RAPGEF2: variants seen among roughly 807,000 people sequenced by gnomAD.
The protein encoded by RAPGEF2 is PDZ domain containing guanine nucleotide exchange factor (GEF) 1.
Under a neutral mutation model 186.7 loss-of-function variants are expected in RAPGEF2, and 54 were observed. The observed-to-expected ratio is 0.29, with a 90% CI of 0.23 to 0.36. The LOEUF is 0.36. RAPGEF2 is among the 10% of genes least tolerant of loss of function. RAPGEF2 has a pLI of 1.00. For synonymous variants in RAPGEF2, 712 were observed against 705.9 expected (o/e 1.01, Z -0.14); for missense variants, 1,532 against 2,045.0 (o/e 0.75, Z 4.84).
At chr4:159,190,638 A>G (rs1440054180) in intron 2 of RAPGEF2, among the ~76,000 whole-genome samples, 2 of 152,206 alleles carry the variant, frequency 1.3e-5, no homozygotes, top group Admixed American at 6.5e-5. Flanking sequence ...GAGGCCTCAG[A>G]AAACTTACAA....
chr4:159,290,474 CT>C (rs2110952615), intron 7 of RAPGEF2, among the ~76,000 whole-genome samples: 1 of 152,298 alleles, frequency 6.6e-6, no homozygotes, highest in East Asian at 1.9e-4. Context: ...CACATACACA[CT>C]TAACAGAAAC....
At chr4:159,242,440 T>G (rs530027850) in intron 6 of RAPGEF2, among the ~76,000 whole-genome samples, 24 of 151,966 alleles carry the variant, frequency 1.6e-4, no homozygotes, top group African/African-American at 4.8e-4. Context: ...CAATTTTTAG[T>G]AAGTTTAAGT....
intron 1 of RAPGEF2, among the ~76,000 whole-genome samples, chr4:159,113,740 C>T (rs1316210006): frequency 1.2e-5 from 1 of 86,638 alleles, no homozygotes; most frequent in African/African-American, 4.4e-5. Context: ...GACTCTGTCT[C>T]AAAAAAAAAA....
chr4:159,261,658 G>C (rs943313188), intron 7 of RAPGEF2, among the ~76,000 whole-genome samples: 4 of 152,116 alleles, frequency 2.6e-5, no homozygotes, highest in African/African-American at 9.7e-5. Context: ...GCTGTTGTTT[G>C]CATAGGTCCT....
intron 20 of RAPGEF2, among the ~76,000 whole-genome samples, chr4:159,342,339 A>G (rs960385128): frequency 6.6e-6 from 1 of 151,958 alleles, no homozygotes; most frequent in Non-Finnish European, 1.5e-5. Context: ...ATGTGTGTGG[A>G]GTTCCATCAA....
chr4:159,331,606 A>C (rs369707093), intron 14 of RAPGEF2, 24 bp from the exon 15 acceptor site: 1 of 1,613,208 alleles, frequency 6.2e-7, no homozygotes, highest in Non-Finnish European at 8.5e-7. Context: ...TTGAGTTGAC[A>C]CTACTGTTTC....
chr4:159,336,969 C>T (rs1463050417), intron 17 of RAPGEF2, among the ~76,000 whole-genome samples: 2 of 152,124 alleles, frequency 1.3e-5, no homozygotes, highest in East Asian at 3.8e-4. Flanking sequence ...CCAGTTATTT[C>T]TGTGTGTGTT....
intron 1 of RAPGEF2, among the ~76,000 whole-genome samples, chr4:159,108,585 C>T (rs1257019440): frequency 2.0e-5 from 3 of 152,022 alleles, no homozygotes; most frequent in African/African-American, 7.2e-5. Flanking sequence ...AGAAAATTCA[C>T]TGCATTTTTT....
rs761129564 is a variant in RAPGEF2, at chr4:159,353,554, A to T, written c.4159A>T (p.Thr1387Ser). The change falls in exon 28 of 30, where the codon ACA becomes TCA. Residue 1387 changes from threonine (T) to serine (S), a missense_variant. By Grantham distance (58) the Thr-to-Ser change is moderately conservative. Coordinates refer to ENST00000691494, the MANE Select transcript of RAPGEF2 (RefSeq NM_001394067.2). The surrounding 1 kb of genome is among the most constrained non-coding windows in gnomAD (Gnocchi z 4.3). ...AGCTACAGTAATTTCTTCTCCAAGC[A>T]CAGAGGAACTTTCCCAGGATCAGGG... ...ATATVISSPSTEELSQDQGDR... is the reference protein window; with the variant it reads ...ATATVISSPSSEELSQDQGDR... 3.2e-6 allele frequency: 5 copies of T among 1,560,554 alleles called. No individual in the cohort carries two copies. The South Asian group carries it at 6.2e-5, about 19-fold the overall frequency.
chr4:159,342,843 A>G, intron 20 of RAPGEF2, 136 bp from the exon 21 acceptor site: 5 of 838,394 alleles, frequency 6.0e-6, no homozygotes, highest in East Asian at 2.6e-5. Context: ...CAGAATTATC[A>G]TGAACAGTTT....
intron 7 of RAPGEF2, among the ~76,000 whole-genome samples, chr4:159,296,615 G>A (rs1291368038): frequency 6.6e-6 from 1 of 152,082 alleles, no homozygotes; most frequent in African/African-American, 2.4e-5. Context: ...ACATAAAATA[G>A]TCCTACTAAT....
At chr4:159,139,961 G>A (rs527329077) in intron 1 of RAPGEF2, among the ~76,000 whole-genome samples, 2 of 152,294 alleles carry the variant, frequency 1.3e-5, no homozygotes, top group African/African-American at 4.8e-5. Context: ...GGAAATGGAG[G>A]CTCATGCTTA....
At chr4:159,330,263 A>ATGTGTGTGTGTGTGTGTG (rs1278340762) in intron 12 of RAPGEF2, 71 bp from the exon 13 acceptor site, 147 of 410,230 alleles carry the variant, frequency 3.6e-4, no homozygotes, top group South Asian at 8.2e-4. Flanking sequence ...GTGTATATGT[A>ATGTGTGTGTGTGTGTGTG]TATGTGTGTG....
At chr4:159,245,788 A>G (rs1353320638) in intron 7 of RAPGEF2, among the ~76,000 whole-genome samples, 3 of 152,004 alleles carry the variant, frequency 2.0e-5, no homozygotes, top group Non-Finnish European at 4.4e-5. Context: ...CAGCTCTTCC[A>G]TTTTCCTAGT....
chr4:159,250,455 A>C (rs1454408841), intron 7 of RAPGEF2, among the ~76,000 whole-genome samples: 1 of 152,188 alleles, frequency 6.6e-6, no homozygotes, highest in Non-Finnish European at 1.5e-5. Context: ...TGATTTGGAT[A>C]AATAGTGGAG....
chr4:159,319,645 G>T (rs1384647992), intron 9 of RAPGEF2, among the ~76,000 whole-genome samples: 2 of 152,028 alleles, frequency 1.3e-5, no homozygotes, highest in African/African-American at 4.8e-5. Flanking sequence ...GATGCCATCT[G>T]GTTTAGCATT....
At chr4:159,108,847 A>G (rs546069906) in intron 1 of RAPGEF2, among the ~76,000 whole-genome samples, 1 of 152,176 alleles carries the variant, frequency 6.6e-6, no homozygotes, top group East Asian at 1.9e-4. Flanking sequence ...GCCTCGAGTA[A>G]CTGGGTCTAC....
chr4:159,230,258 A>G (rs1262527711), intron 4 of RAPGEF2, among the ~76,000 whole-genome samples: 1 of 152,172 alleles, frequency 6.6e-6, no homozygotes, highest in Admixed American at 6.5e-5. Context: ...GAAAGAACTA[A>G]CAGGTTTTTA....
chr4:159,137,325 C>T (rs1349103144), intron 1 of RAPGEF2, among the ~76,000 whole-genome samples: 3 of 152,158 alleles, frequency 2.0e-5, no homozygotes, highest in Non-Finnish European at 4.4e-5. Context: ...CTGCTGTGTC[C>T]TCACACAGCC....
Sources: allele counts gnomAD v4.1 joint callset (sites outside exome capture counted in the v4.1 genomes callset), GRCh38; gene constraint gnomAD v4.1.1; non-coding constraint Gnocchi (gnomAD v3.1); transcripts MANE v1.5; gene names NCBI Gene and HGNC (gene_info 2026-07-23, HGNC 2026-07-21).